Variants in PHF14 observed in about 807,000 individuals in gnomAD.
PHF14 encodes the protein PHD finger protein 14.
PHF14 carries 55 observed loss-of-function variants against 117.9 expected under a neutral mutation model. That is an observed-to-expected ratio of 0.47 (90% CI 0.38 to 0.58). The LOEUF (loss-of-function observed/expected upper bound fraction) is 0.58. Ranked by LOEUF, PHF14 falls within the 20% of genes least tolerant of loss-of-function variation. The pLI is 0.00. For synonymous variants in PHF14, 409 were observed against 368.6 expected, an observed-to-expected ratio of 1.11 and a Z score of -1.26; for missense variants, 978 against 1,122.2, an observed-to-expected ratio of 0.87 and a Z score of 1.84.
chr7:10,991,743 A>G (rs1395568520), intron 4 of PHF14, among the ~76,000 whole-genome samples: 2 of 129,612 alleles, frequency 1.5e-5, no homozygotes, highest in Middle Eastern at 4.1e-3. Context: ...TTTTTTTTTA[A>G]TTTTTTAATT....
intron 11 of PHF14, among the ~76,000 whole-genome samples, chr7:11,039,391 C>A (rs977170844): frequency 3.3e-5 from 5 of 151,762 alleles, no homozygotes; most frequent in African/African-American, 1.2e-4. Flanking sequence ...TAGCTGTGAT[C>A]GTAGTTATTA....
intron 16 of PHF14, among the ~76,000 whole-genome samples, chr7:11,074,490 A>T (rs1438360850): frequency 6.6e-6 from 1 of 152,060 alleles, no homozygotes; most frequent in African/African-American, 2.4e-5. Context: ...GATTACAGGC[A>T]TGAGCCACCG....
At chr7:11,037,808 G>A (rs1024764276) in intron 10 of PHF14, among the ~76,000 whole-genome samples, 9 of 152,160 alleles carry the variant, frequency 5.9e-5, no homozygotes, top group Non-Finnish European at 1.2e-4. Context: ...ACACTGTGTA[G>A]TAAAAAGAGT....
Position 10,973,922 on chromosome 7 carries a change from G to T in PHF14, c.-402G>T. The T allele has an allele frequency of 5.5e-6, 1 of 181,958 alleles. No homozygotes were observed. The highest frequency in any genetic ancestry group is 1.2e-5 in the Non-Finnish European group (1 of 85,614). The allele number at this position is 181,958 out of a possible 1,614,324, so 11.3% of individuals were successfully genotyped here. Reference sequence around the variant, plus strand: ...GTCGCTGCTTTCCCTATTGTCTGAGGCAGCCGCCCTCGCGCTGTGCAATTT... The same window carrying T: ...GTCGCTGCTTTCCCTATTGTCTGAGTCAGCCGCCCTCGCGCTGTGCAATTT... On this transcript the variant is annotated 5_prime_UTR_variant, in exon 1 of 18. Coordinates refer to ENST00000634607, the MANE Select transcript of PHF14 (RefSeq NM_001007157.2).
chr7:11,063,422 GA>G lies in PHF14; in HGVS notation c.2654+1345del, dbSNP rs567330683. Reference sequence around the variant, plus strand: ...GAGTAAATGAAACAATAAAAATAAAGAAAAAAAATAACAATCTTATATAATG... The same window carrying G: ...GAGTAAATGAAACAATAAAAATAAAGAAAAAAATAACAATCTTATATAATG... On this transcript the variant is annotated intron_variant, in intron 16 of 17. Transcript: ENST00000634607. 3.5e-4 allele frequency: 337 copies of G among 972,028 alleles called. 1 individual carries two copies. The Middle Eastern group carries it at 6.9e-3, about 20-fold the overall frequency. The allele number at this position is 972,028 out of a possible 1,614,324, so 60.2% of individuals were successfully genotyped here.
chr7:11,042,314 TTCTATAATTTA>T (rs1445572691), intron 12 of PHF14, among the ~76,000 whole-genome samples: 1 of 151,922 alleles, frequency 6.6e-6, no homozygotes, highest in African/African-American at 2.4e-5. Context: ...AATTACTTTG[TTCTATAATTTA>T]TGTGTCTAGA....
At chr7:11,113,662 C>T (rs762866344) in intron 17 of PHF14, among the ~76,000 whole-genome samples, 7 of 152,010 alleles carry the variant, frequency 4.6e-5, no homozygotes, top group African/African-American at 1.2e-4. Flanking sequence ...CTGAAACTTC[C>T]GGAGACTTAA....
At chr7:11,142,171 A>C (rs977495705) in intron 17 of PHF14, among the ~76,000 whole-genome samples, 6 of 152,090 alleles carry the variant, frequency 3.9e-5, no homozygotes, top group Non-Finnish European at 8.8e-5. Flanking sequence ...ATGTATTATC[A>C]ATGAAAAATT....
intron 16 of PHF14, among the ~76,000 whole-genome samples, chr7:11,084,872 C>CCTT (rs1786322685): frequency 6.6e-6 from 1 of 152,000 alleles, no homozygotes; most frequent in African/African-American, 2.4e-5. Flanking sequence ...ATTTTCATAT[C>CCTT]TGTGAATTGC....
chr7:11,151,305 G>A (rs1222874848), intron 17 of PHF14, among the ~76,000 whole-genome samples: 4 of 151,856 alleles, frequency 2.6e-5, no homozygotes, highest in Admixed American at 6.6e-5. Flanking sequence ...CCTGTAATCC[G>A]AACACTTTGG....
intron 4 of PHF14, among the ~76,000 whole-genome samples, chr7:11,007,412 A>AT (rs527679772): frequency 3.4e-4 from 51 of 151,844 alleles, no homozygotes; most frequent in East Asian, 2.9e-3. Context: ...ACACCTGTAG[A>AT]TTTTTTTTCC....
At position 11,062,985 on chromosome 7, in the gene PHF14, C is replaced by A. The variant is rs1384263744; in HGVS notation, c.2654+900C>A. ...AATTAAACATTTCAAAAAGAATAAA[C>A]ATATTGATAAAACAAATATATTAGT... On this transcript the variant is annotated intron_variant, in intron 16 of 17. Coordinates refer to ENST00000634607, the MANE Select transcript of PHF14 (RefSeq NM_001007157.2). The A allele has an allele frequency of 9.3e-6, 8 of 857,890 alleles. No homozygotes were observed. The African/African-American group carries it at 1.5e-4, about 16-fold the overall frequency. The allele number at this position is 857,890 out of a possible 1,614,324, so 53.1% of individuals were successfully genotyped here. A position where few individuals can be genotyped will look rare whatever the true frequency, so the allele number is the denominator to read the frequency against.
In PHF14 at chr7:11,035,746, C is replaced by G; in HGVS notation, c.1562C>G (p.Ser521Cys). 6.2e-7 allele frequency: 1 copy of G among 1,609,502 alleles called. No individual in the cohort carries two copies. The highest frequency in any genetic ancestry group is 8.5e-7 in the Non-Finnish European group (1 of 1,176,996). Residue 521 changes from serine to cysteine, a missense_variant, in exon 8 of 18, where the codon TCT (serine) becomes TGT (cysteine). This residue lies in a region of PHF14 where 237 missense variants were observed against 276.4 expected (regional missense o/e 0.86). Coordinates refer to ENST00000634607, the MANE Select transcript of PHF14 (RefSeq NM_001007157.2). ...YLALQSYCKMSLQEREKQLSP... is the reference protein window; with the variant it reads ...YLALQSYCKMCLQEREKQLSP... Reference sequence around the variant, plus strand: ...GCTCTACAGTCCTATTGTAAAATGTCTTTGCAAGAGAGAGAGAAGCAACTA... The same window carrying G: ...GCTCTACAGTCCTATTGTAAAATGTGTTTGCAAGAGAGAGAGAAGCAACTA...
At position 10,982,874 on chromosome 7, in the gene PHF14, C is replaced by A. The variant is rs1782090183; in HGVS notation, c.615C>A (p.Asp205Glu). Residue 205 changes from aspartate (D) to glutamate (E), a missense_variant, in exon 3 of 18, where the codon GAC becomes GAA. Transcript: ENST00000634607. ...VSMEELNDMD[D>E]YDSEDDNDWR... ...TGGAAGAGCTGAATGACATGGATGA[C>A]TATGACAGTGAGGATGACAATGATT... 2 of 1,613,536 alleles carry A rather than the reference C, an allele frequency of 1.2e-6. No homozygotes were observed. The highest frequency in any genetic ancestry group is 1.7e-6 in the Non-Finnish European group (2 of 1,179,656).
At chr7:11,052,802 G>A (rs774655270) in intron 14 of PHF14, among the ~76,000 whole-genome samples, 23 of 152,076 alleles carry the variant, frequency 1.5e-4, no homozygotes, top group Non-Finnish European at 3.2e-4. Flanking sequence ...TTCTGTTGGG[G>A]TGTTTACCTT....
intron 16 of PHF14, among the ~76,000 whole-genome samples, chr7:11,093,784 C>T (rs1231207251): frequency 6.6e-6 from 1 of 152,110 alleles, no homozygotes; most frequent in African/African-American, 2.4e-5. Context: ...GCCCTTTTTC[C>T]TATGGCAGCT....
chr7:11,104,874 AT>A, intron 16 of PHF14: 67 of 963,240 alleles, frequency 7.0e-5, no homozygotes, highest in Middle Eastern at 5.3e-4. Flanking sequence ...CATAGGTAGT[AT>A]TTTTTTTAAA....
At chr7:10,974,986 G>C in intron 2 of PHF14, 41 bp downstream of exon 2, 1 of 997,196 alleles carries the variant, frequency 1.0e-6, no homozygotes, top group South Asian at 1.5e-5. Flanking sequence ...CAGCTTTCTG[G>C]AGTTAGGCTT....
At chr7:11,004,679 ATT>A (rs879301715) in intron 4 of PHF14, among the ~76,000 whole-genome samples, 3 of 142,962 alleles carry the variant, frequency 2.1e-5, no homozygotes, top group Admixed American at 1.4e-4. Context: ...TTCAGTTTAA[ATT>A]TTTTTTTTTT....
Sources: gnomAD v4.1 joint callset for allele counts (sites outside exome capture counted in the v4.1 genomes callset) on GRCh38, gnomAD v4.1.1 for gene constraint, gnomAD v4.1.1 regional missense constraint, MANE v1.5 for transcripts, NCBI Gene and HGNC (gene_info 2026-07-23, HGNC 2026-07-21) for gene names.